Variants in COLEC10 observed in about 807,000 individuals in gnomAD.
The protein encoded by COLEC10 is collectin-10.
COLEC10 carries 22 observed loss-of-function variants against 28.4 expected under a neutral mutation model. The observed-to-expected ratio is 0.78, with a 90% CI of 0.55 to 1.11. The LOEUF (loss-of-function observed/expected upper bound fraction) is 1.11. Ranked by LOEUF, COLEC10 falls within the 50% of genes least tolerant of loss-of-function variation. COLEC10 has a pLI of 0.00. For missense variants in COLEC10, 361 were observed against 344.1 expected (o/e 1.05, Z -0.39); for synonymous variants, 125 against 116.1 (o/e 1.08, Z -0.49).
upstream of COLEC10, chr8:118,995,384 T>G (rs1208450159): frequency 6.6e-6 from 1 of 152,222 alleles, no homozygotes. Flanking sequence ...ATCACGTCAG[T>G]GCATTCCGAA....
At chr8:119,064,986 G>A (rs557516344), upstream of COLEC10, among the ~76,000 whole-genome samples, 1 of 152,246 alleles carries the variant, frequency 6.6e-6, no homozygotes, top group East Asian at 1.9e-4. Flanking sequence ...TATTCAATCA[G>A]TGCTAGTTTC....
Position 119,013,275 on chromosome 8 carries a change from CA to C in COLEC10, n.235+3723del, listed in dbSNP as rs1458627588. On this transcript the variant is annotated intron_variant and non_coding_transcript_variant, in intron 2 of 6. Transcript: ENST00000521788. Reference sequence around the variant, plus strand: ...GTCTCCATATATTTTGGATTTTTTTCAGTTATCTTTCTATTGATTTCTAGTT... The same window carrying C: ...GTCTCCATATATTTTGGATTTTTTTCGTTATCTTTCTATTGATTTCTAGTT... Among the ~76,000 whole-genome samples the C allele has an allele frequency of 4.0e-5, 6 of 150,228 alleles. 1 individual carries two copies. Among genetic ancestry groups the C allele is most frequent in the African/African-American group, 1.5e-4 (6 of 40,154 alleles).
chr8:119,001,337 G>A (rs896477182), intron 1 of COLEC10, among the ~76,000 whole-genome samples: 1 of 152,068 alleles, frequency 6.6e-6, no homozygotes, highest in Admixed American at 6.6e-5. Context: ...AAGCAAGGGA[G>A]GTTAAATTTT....
At chr8:119,025,852 C>G (rs1405324562) in intron 2 of COLEC10, among the ~76,000 whole-genome samples, 2 of 152,140 alleles carry the variant, frequency 1.3e-5, no homozygotes, top group Non-Finnish European at 2.9e-5. Context: ...TTATTGATGG[C>G]ATAATTTACA....
chr8:119,096,934 C>T (rs997522028), intron 3 of COLEC10, among the ~76,000 whole-genome samples: 1 of 151,738 alleles, frequency 6.6e-6, no homozygotes, highest in Non-Finnish European at 1.5e-5. Context: ...TTCACTATAC[C>T]ATGGAAATAA....
the COLEC10 span, among the ~76,000 whole-genome samples, chr8:118,968,801 G>A: frequency 2.0e-5 from 3 of 151,876 alleles, no homozygotes; most frequent in East Asian, 5.8e-4. Flanking sequence ...GCCCCAGTGT[G>A]TCATGTTCCC....
At chr8:119,101,273 C>T (rs1010893500) in intron 3 of COLEC10, among the ~76,000 whole-genome samples, 6 of 152,112 alleles carry the variant, frequency 3.9e-5, no homozygotes, top group Non-Finnish European at 8.8e-5. Context: ...ATTCATCCCT[C>T]GTGAGTTCTT....
intron 2 of COLEC10, among the ~76,000 whole-genome samples, chr8:119,033,418 G>A (rs1217917814): frequency 2.0e-5 from 3 of 152,098 alleles, no homozygotes; most frequent in Admixed American, 2.0e-4. Context: ...AAACTAAAGA[G>A]CTTCTGCACA....
the COLEC10 span, among the ~76,000 whole-genome samples, chr8:118,979,878 A>G: frequency 6.6e-6 from 1 of 152,102 alleles, no homozygotes; most frequent in Non-Finnish European, 1.5e-5. Context: ...GAAGAGTCCA[A>G]TTTTAAGCTC....
intron 3 of COLEC10, among the ~76,000 whole-genome samples, chr8:119,092,414 G>A (rs1010348085): frequency 6.6e-6 from 1 of 152,084 alleles, no homozygotes; most frequent in Non-Finnish European, 1.5e-5. Flanking sequence ...AGAAAACAGA[G>A]ATAGTCTCCT....
chr8:119,069,635 T>A (rs968251363), intron 1 of COLEC10, among the ~76,000 whole-genome samples: 1,489 of 29,368 alleles, frequency 0.051, 17 homozygotes, highest in East Asian at 0.14. Context: ...AAAAAATATA[T>A]ATATATATAT....
chr8:119,091,021 G>GAT lies in COLEC10; in HGVS notation c.221-121_221-120dup. 3 of 725,580 alleles carry GAT rather than the reference G, an allele frequency of 4.1e-6. No homozygotes were observed. In the East Asian group the frequency reaches 8.2e-5, roughly 20 times the overall value. 44.9% of individuals were successfully genotyped at this position (725,580 alleles called of 1,614,324 possible). The stretch of plus-strand genomic sequence containing the variant: ...TGTTAAACTAGACAATATAGCATGG[G>GAT]ATATATATTAGATATCACTGGTAGA... On this transcript the variant is annotated intron_variant, in intron 2 of 5. Coordinates refer to ENST00000332843, the MANE Select transcript of COLEC10 (RefSeq NM_006438.5).
At chr8:119,012,888 G>T (rs376429328) in intron 2 of COLEC10, among the ~76,000 whole-genome samples, 1 of 150,180 alleles carries the variant, frequency 6.7e-6, no homozygotes, top group South Asian at 2.1e-4. Flanking sequence ...GAGGCTTATT[G>T]ATTGTATTTA....
intron 2 of COLEC10, among the ~76,000 whole-genome samples, chr8:119,026,897 G>A (rs1284814114): frequency 6.6e-6 from 1 of 152,120 alleles, no homozygotes; most frequent in Non-Finnish European, 1.5e-5. Context: ...CCCCTGGGAA[G>A]GGGAGCATGA....
intron 2 of COLEC10, among the ~76,000 whole-genome samples, chr8:119,032,387 A>G (rs1814304374): frequency 6.6e-6 from 1 of 152,216 alleles, no homozygotes; most frequent in Admixed American, 6.5e-5. Flanking sequence ...ACAGATCCAC[A>G]CAGTGTACTG....
chr8:118,961,191 C>A, the COLEC10 span, among the ~76,000 whole-genome samples: 1,484 of 152,246 alleles, frequency 9.7e-3, 24 homozygotes, highest in African/African-American at 0.034. Flanking sequence ...AACTAAAACT[C>A]AGGACTAGTG....
chr8:118,990,017 A>G, the COLEC10 span, among the ~76,000 whole-genome samples: 2 of 152,064 alleles, frequency 1.3e-5, no homozygotes, highest in African/African-American at 4.8e-5. Flanking sequence ...AACCTGTACT[A>G]TATATGTAGA....
chr8:118,990,501 G>A (rs1813488431), upstream of COLEC10, among the ~76,000 whole-genome samples: 1 of 152,124 alleles, frequency 6.6e-6, no homozygotes, highest in Non-Finnish European at 1.5e-5. Context: ...CACTGTAAAT[G>A]GGAGGACCAA....
At chr8:118,958,386 A>T in the COLEC10 span, among the ~76,000 whole-genome samples, 1 of 152,212 alleles carries the variant, frequency 6.6e-6, no homozygotes, top group Non-Finnish European at 1.5e-5. Context: ...GAGGAGTTCC[A>T]CTAAAGCTTA....
Sources: allele counts gnomAD v4.1 joint callset (sites outside exome capture counted in the v4.1 genomes callset), GRCh38; gene constraint gnomAD v4.1.1; transcripts MANE v1.5; gene names NCBI Gene and HGNC (gene_info 2026-07-23, HGNC 2026-07-21).